The following ATRNL1 variants were observed in gnomAD, a reference collection of about 807,000 sequenced individuals.
ATRNL1 encodes attractin like 1.
A neutral mutation model predicts 182.7 loss-of-function variants in ATRNL1; 95 were observed. The ratio of observed to expected loss-of-function variants is 0.52; its 90% CI spans 0.44 to 0.62. The LOEUF is 0.62. Ranked by LOEUF, ATRNL1 falls within the 20% of genes least tolerant of loss-of-function variation. The pLI is 0.00. For synonymous variants in ATRNL1, 576 were observed against 568.3 expected, an observed-to-expected ratio of 1.01 and a Z score of -0.19; for missense variants, 1,471 against 1,679.5, an observed-to-expected ratio of 0.88 and a Z score of 2.17.
chr10:115,700,905 G>T (rs536952242), intron 26 of ATRNL1, among the ~76,000 whole-genome samples: 1 of 152,174 alleles, frequency 6.6e-6, no homozygotes, highest in South Asian at 2.1e-4. Context: ...CATCAAGGCA[G>T]AAGACTAACA....
At chr10:115,692,697 T>C (rs1292838087) in intron 26 of ATRNL1, among the ~76,000 whole-genome samples, 3 of 152,076 alleles carry the variant, frequency 2.0e-5, no homozygotes, top group Admixed American at 6.5e-5. Flanking sequence ...TGAATGTTTT[T>C]AAAACATTTT....
At chr10:115,914,147 TGAA>T (rs1320200852) in intron 28 of ATRNL1, among the ~76,000 whole-genome samples, 4 of 152,198 alleles carry the variant, frequency 2.6e-5, no homozygotes, top group Admixed American at 2.6e-4. Flanking sequence ...TGCCACCATG[TGAA>T]GAAGAACGTG....
intron 20 of ATRNL1, among the ~76,000 whole-genome samples, chr10:115,425,658 A>G (rs187190109): frequency 1.9e-3 from 293 of 152,200 alleles, no homozygotes; most frequent in Non-Finnish European, 3.4e-3. Flanking sequence ...ATGTGAATTC[A>G]AAGTTTGAGC....
chr10:115,484,246 A>T (rs1848912084), intron 24 of ATRNL1, among the ~76,000 whole-genome samples: 1 of 151,244 alleles, frequency 6.6e-6, no homozygotes, highest in African/African-American at 2.4e-5. Flanking sequence ...ATTAAATATT[A>T]TGTTTTTTCA....
chr10:115,255,115 C>A (rs186646600), intron 10 of ATRNL1, among the ~76,000 whole-genome samples: 1 of 152,128 alleles, frequency 6.6e-6, no homozygotes, highest in Non-Finnish European at 1.5e-5. Flanking sequence ...CTTGGCAATG[C>A]GGACTCTTTT....
At chr10:115,829,194 G>C (rs953802440) in intron 27 of ATRNL1, among the ~76,000 whole-genome samples, 1 of 152,122 alleles carries the variant, frequency 6.6e-6, no homozygotes, top group African/African-American at 2.4e-5. Context: ...TGAATGACCA[G>C]ACCTACAGGA....
At chr10:115,118,065 TGTTGA>T (rs1213878802) in intron 1 of ATRNL1, among the ~76,000 whole-genome samples, 1 of 152,164 alleles carries the variant, frequency 6.6e-6, no homozygotes, top group Non-Finnish European at 1.5e-5. Context: ...CTTTTTTTCC[TGTTGA>T]GTTGTTTGAG....
At chr10:115,270,935 TAAC>T (rs1468618812) in intron 13 of ATRNL1, among the ~76,000 whole-genome samples, 2 of 152,076 alleles carry the variant, frequency 1.3e-5, no homozygotes, top group African/African-American at 4.8e-5. Flanking sequence ...ATGAAGATAA[TAAC>T]AAGGTCATAA....
intron 19 of ATRNL1, among the ~76,000 whole-genome samples, chr10:115,336,475 A>G (rs1855485521): frequency 6.6e-6 from 1 of 152,188 alleles, no homozygotes; most frequent in South Asian, 2.1e-4. Flanking sequence ...CATACATTTT[A>G]TTGGAGAAAG....
chr10:115,294,713 G>A (rs574006975), intron 15 of ATRNL1, among the ~76,000 whole-genome samples: 1 of 152,236 alleles, frequency 6.6e-6, no homozygotes, highest in African/African-American at 2.4e-5. Flanking sequence ...AGTAGGTTTT[G>A]TATGGAAAGA....
chr10:115,758,962 T>G (rs1300134879), intron 27 of ATRNL1, among the ~76,000 whole-genome samples: 2 of 152,240 alleles, frequency 1.3e-5, no homozygotes, highest in East Asian at 3.9e-4. Context: ...ATAAAAAAAC[T>G]TTTGGTTATG....
chr10:115,291,733 C>A (rs144530488), intron 15 of ATRNL1, among the ~76,000 whole-genome samples: 164 of 146,588 alleles, frequency 1.1e-3, no homozygotes, highest in African/African-American at 4.0e-3. Context: ...GTGTATTGTT[C>A]TGATATTGTT....
intron 28 of ATRNL1, among the ~76,000 whole-genome samples, chr10:115,938,511 G>C (rs1175669627): frequency 1.3e-5 from 2 of 152,068 alleles, no homozygotes; most frequent in African/African-American, 2.4e-5. Context: ...TTTGGTGTAT[G>C]TTCTACTTAT....
intron 19 of ATRNL1, among the ~76,000 whole-genome samples, chr10:115,389,513 AG>A (rs1554953687): frequency 7.9e-6 from 1 of 126,454 alleles, no homozygotes; most frequent in African/African-American, 2.8e-5. Flanking sequence ...AAAAAAAAAA[AG>A]CTGAATAGTA....
rs1565334914 is a variant in ATRNL1 at position 115,738,125 on chromosome 10, G to GTTTTTTTTTTTTTTTTTTTTTTTT, written c.3903+10770_3903+10771insTTTTTTTTTTTTTTTTTTTTTTTT. Reference sequence around the variant, plus strand: ...CATAAAAAATGATTTAGAAGATAATGATTTTTTTTTTTTTTTTTTTTTTTT... The same window carrying GTTTTTTTTTTTTTTTTTTTTTTTT: ...CATAAAAAATGATTTAGAAGATAATGTTTTTTTTTTTTTTTTTTTTTTTTATTTTTTTTTTTTTTTTTTTTTTTT... On this transcript the variant is annotated intron_variant, in intron 27 of 28. Coordinates refer to ENST00000355044, the MANE Select transcript of ATRNL1 (RefSeq NM_207303.4). 7.5e-5 allele frequency among the ~76,000 whole-genome samples: 4 copies of GTTTTTTTTTTTTTTTTTTTTTTTT among 53,148 alleles called. 1 individual carries two copies. Among genetic ancestry groups the GTTTTTTTTTTTTTTTTTTTTTTTT allele is most frequent in the African/African-American group, 2.3e-4 (4 of 17,478 alleles). The allele number at this position is 53,148 out of a possible 152,430, so 34.9% of individuals were successfully genotyped here. A position where few individuals can be genotyped will look rare whatever the true frequency, so the allele number is the denominator to read the frequency against.
intron 26 of ATRNL1, among the ~76,000 whole-genome samples, chr10:115,696,792 A>G (rs1182742733): frequency 1.3e-5 from 2 of 152,028 alleles, no homozygotes; most frequent in Non-Finnish European, 2.9e-5. Context: ...ACAGTTCCAC[A>G]TGGCTGAGAG....
chr10:115,196,174 T>C (rs1381607408), intron 8 of ATRNL1, among the ~76,000 whole-genome samples: 1 of 149,476 alleles, frequency 6.7e-6, no homozygotes, highest in East Asian at 1.9e-4. Flanking sequence ...CCTGAATGAA[T>C]GAATGAATGA....
chr10:115,527,640 G>A (rs943477919), intron 25 of ATRNL1, among the ~76,000 whole-genome samples: 1 of 151,934 alleles, frequency 6.6e-6, no homozygotes, highest in Admixed American at 6.6e-5. Context: ...GTTGGTAATT[G>A]GCTTTTTAAT....
At chr10:115,827,861 G>A (rs1555092440) in intron 27 of ATRNL1, among the ~76,000 whole-genome samples, 1 of 152,128 alleles carries the variant, frequency 6.6e-6, no homozygotes, top group East Asian at 1.9e-4. Context: ...GCTAAAGAAT[G>A]TTTCCGTGGG....
Sources: gnomAD v4.1 joint callset for allele counts (sites outside exome capture counted in the v4.1 genomes callset) on GRCh38, gnomAD v4.1.1 for gene constraint, MANE v1.5 for transcripts, NCBI Gene and HGNC (gene_info 2026-07-23, HGNC 2026-07-21) for gene names.